Variants in CFAP96 observed in about 807,000 individuals in gnomAD.
CFAP96 encodes the protein cilia and flagella associated protein 96.
At chr4:185,443,323 T>C in the CFAP96 span, among the ~76,000 whole-genome samples, 1 of 34,192 alleles carries the variant, frequency 2.9e-5, no homozygotes, top group Admixed American at 3.2e-4. Flanking sequence ...TTTTTATGTA[T>C]ATATATATAT....
the CFAP96 span, among the ~76,000 whole-genome samples, chr4:185,441,396 C>T: frequency 6.8e-6 from 1 of 147,422 alleles, no homozygotes; most frequent in Non-Finnish European, 1.5e-5. Flanking sequence ...TATAAGATCT[C>T]TTCATATATT....
the CFAP96 span, among the ~76,000 whole-genome samples, chr4:185,428,107 TCTTA>T: frequency 2.6e-5 from 4 of 151,418 alleles, no homozygotes; most frequent in African/African-American, 9.7e-5. Context: ...AAAAAATGGT[TCTTA>T]CTTTGGATTA....
chr4:185,410,252 T>A, the CFAP96 span, among the ~76,000 whole-genome samples: 1 of 151,630 alleles, frequency 6.6e-6, no homozygotes. Flanking sequence ...AATAGAAAAA[T>A]ATAAAAATAC....
chr4:185,426,030 C>A, the CFAP96 span: 3 of 756,150 alleles, frequency 4.0e-6, no homozygotes, highest in African/African-American at 3.5e-5. Context: ...TACCACACCG[C>A]AGTCCCTCGC....
chr4:185,417,836 G>A, the CFAP96 span, among the ~76,000 whole-genome samples: 12,884 of 152,082 alleles, frequency 0.085, 964 homozygotes, highest in African/African-American at 0.19. Flanking sequence ...CCGAGGTCAG[G>A]AGTTTGAGAC....
the CFAP96 span, among the ~76,000 whole-genome samples, chr4:185,448,551 C>G: frequency 6.6e-6 from 1 of 151,982 alleles, no homozygotes; most frequent in Non-Finnish European, 1.5e-5. Flanking sequence ...CCACGATTCC[C>G]CTAGATATTA....
the CFAP96 span, among the ~76,000 whole-genome samples, chr4:185,444,243 GCGCCCGGCCTGTAT>G: frequency 1.3e-5 from 2 of 151,850 alleles, no homozygotes; most frequent in Non-Finnish European, 2.9e-5. Context: ...GTGAGCCACC[GCGCCCGGCCTGTAT>G]CTTTCAAATG....
chr4:185,422,279 T>C, the CFAP96 span, among the ~76,000 whole-genome samples: 2 of 152,230 alleles, frequency 1.3e-5, no homozygotes, highest in Non-Finnish European at 2.9e-5. Context: ...AGGGAACATC[T>C]TTTTCTAATT....
the CFAP96 span, among the ~76,000 whole-genome samples, chr4:185,427,959 G>T: frequency 1.3e-5 from 2 of 150,984 alleles, no homozygotes; most frequent in African/African-American, 4.9e-5. Flanking sequence ...GGTGGCAGAC[G>T]CCTGTAATCC....
the CFAP96 span, among the ~76,000 whole-genome samples, chr4:185,423,145 C>T: frequency 2.6e-5 from 4 of 152,178 alleles, no homozygotes; most frequent in Admixed American, 6.5e-5. Flanking sequence ...AGGCGTGAGC[C>T]ACCGCGCCCA....
chr4:185,445,394 G>T, the CFAP96 span: 1 of 841,084 alleles, frequency 1.2e-6, no homozygotes, highest in Non-Finnish European at 1.9e-6. Context: ...AATATATAGC[G>T]CCTCATTATG....
At chr4:185,423,466 T>C in the CFAP96 span, among the ~76,000 whole-genome samples, 3 of 152,188 alleles carry the variant, frequency 2.0e-5, no homozygotes, top group Non-Finnish European at 2.9e-5. Flanking sequence ...TCTAGTGATA[T>C]GCATTTAGAA....
chr4:185,424,252 GC>G, the CFAP96 span, among the ~76,000 whole-genome samples: 1 of 152,044 alleles, frequency 6.6e-6, no homozygotes, highest in Admixed American at 6.6e-5. Context: ...GCTACAGTGA[GC>G]CATGATCACA....
At chr4:185,431,195 G>C in the CFAP96 span, among the ~76,000 whole-genome samples, 1 of 129,270 alleles carries the variant, frequency 7.7e-6, no homozygotes, top group Non-Finnish European at 1.6e-5. Context: ...GGGCAACAGA[G>C]TGAGACTCCG....
At chr4:185,439,024 G>A in the CFAP96 span, among the ~76,000 whole-genome samples, 1 of 152,160 alleles carries the variant, frequency 6.6e-6, no homozygotes, top group Non-Finnish European at 1.5e-5. Context: ...GCAGGGGTTG[G>A]TAAGACAAAT....
the CFAP96 span, among the ~76,000 whole-genome samples, chr4:185,429,671 A>AT: frequency 6.6e-6 from 1 of 152,264 alleles, no homozygotes. Context: ...GTTAAGCGAT[A>AT]TCATTTATTT....
the CFAP96 span, among the ~76,000 whole-genome samples, chr4:185,423,241 A>G: frequency 1.3e-5 from 2 of 152,226 alleles, no homozygotes; most frequent in East Asian, 1.9e-4. Context: ...CTTTAAGACA[A>G]TCTTTCCAAA....
the CFAP96 span, among the ~76,000 whole-genome samples, chr4:185,431,533 A>G: frequency 1.3e-5 from 2 of 152,224 alleles, no homozygotes; most frequent in Non-Finnish European, 2.9e-5. Flanking sequence ...TTTAGTGGCC[A>G]TAGACACTCA....
the CFAP96 span, among the ~76,000 whole-genome samples, chr4:185,443,953 T>C: frequency 6.2e-5 from 1 of 16,152 alleles, no homozygotes; most frequent in African/African-American, 1.7e-4. Context: ...TTTTTTTTTT[T>C]TTTTTTTTTT....
Sources: allele counts gnomAD v4.1 joint callset (sites outside exome capture counted in the v4.1 genomes callset), GRCh38; gene constraint gnomAD v4.1.1; transcripts MANE v1.5; gene names NCBI Gene and HGNC (gene_info 2026-07-23, HGNC 2026-07-21).